EIPR1: variants seen among roughly 807,000 people sequenced by gnomAD.
EIPR1 encodes EARP and GARP complex-interacting protein 1.
EIPR1 carries 25 observed loss-of-function variants against 48.1 expected under a neutral mutation model. That is an observed-to-expected ratio of 0.52 (90% CI 0.38 to 0.73). EIPR1 has a LOEUF of 0.73. EIPR1 is among the 30% of genes least tolerant of loss of function. The probability of loss-of-function intolerance (pLI) is 0.00; values close to 1 mark genes in which losing one functional copy is unlikely to be tolerated. For missense variants in EIPR1, 415 were observed against 506.2 expected (o/e 0.82, Z 1.73); for synonymous variants, 204 against 201.9 (o/e 1.01, Z -0.09).
intron 3 of EIPR1, among the ~76,000 whole-genome samples, chr2:3,296,255 C>CA (rs1311411460): frequency 7.5e-6 from 1 of 133,560 alleles, no homozygotes; most frequent in African/African-American, 2.9e-5. Flanking sequence ...CACACAGACA[C>CA]CCTCCATCCA....
chr2:3,200,130 G>A (rs969170164), intron 5 of EIPR1, among the ~76,000 whole-genome samples: 3 of 152,100 alleles, frequency 2.0e-5, no homozygotes, highest in African/African-American at 7.2e-5. Context: ...AGCTCTCTAG[G>A]AATCGCTTGG....
At chr2:3,233,833 GTTAC>G (rs1666317255) in intron 4 of EIPR1, among the ~76,000 whole-genome samples, 1 of 152,202 alleles carries the variant, frequency 6.6e-6, no homozygotes, top group Admixed American at 6.5e-5. Context: ...CAATAGAGAA[GTTAC>G]TTACTTTTCC....
At chr2:3,318,871 C>T (rs1391308295) in intron 3 of EIPR1, 2 of 471,150 alleles carry the variant, frequency 4.2e-6, no homozygotes, top group African/African-American at 4.0e-5. Flanking sequence ...GACCTGTCCC[C>T]TGAAGAAGAC....
At chr2:3,358,733 G>C (rs1290488464) in intron 1 of EIPR1, among the ~76,000 whole-genome samples, 1 of 152,228 alleles carries the variant, frequency 6.6e-6, no homozygotes, top group African/African-American at 2.4e-5. Context: ...CTGATGAGGA[G>C]GAGGGCAAGC....
At chr2:3,264,687 T>C (rs1348513738) in intron 3 of EIPR1, among the ~76,000 whole-genome samples, 1 of 147,076 alleles carries the variant, frequency 6.8e-6, no homozygotes, top group Non-Finnish European at 1.5e-5. Context: ...ATGCTGTTTT[T>C]GTTTGTTTGT....
chr2:3,374,588 T>G (rs1428770366), intron 1 of EIPR1, among the ~76,000 whole-genome samples: 1 of 152,158 alleles, frequency 6.6e-6, no homozygotes, highest in African/African-American at 2.4e-5. Context: ...CAGACACTTC[T>G]CAAAAGAAGA....
chr2:3,346,912 AT>A (rs1260826284), intron 2 of EIPR1, among the ~76,000 whole-genome samples: 1 of 152,162 alleles, frequency 6.6e-6, no homozygotes. Context: ...CTCATGTTGA[AT>A]TGTAATCCCC....
chr2:3,240,259 AC>A (rs1558244351), intron 4 of EIPR1, among the ~76,000 whole-genome samples: 267 of 143,834 alleles, frequency 1.9e-3, no homozygotes, highest in East Asian at 2.9e-3. Context: ...AAGCCAGCAG[AC>A]TCTTCCTCAG....
chr2:3,269,750 T>C (rs990202559), intron 3 of EIPR1, among the ~76,000 whole-genome samples: 20 of 151,620 alleles, frequency 1.3e-4, no homozygotes, highest in African/African-American at 4.9e-4. Flanking sequence ...ACTCAGTCAT[T>C]GCGTGGAAAT....
At chr2:3,333,604 G>A (rs1343758106) in intron 3 of EIPR1, among the ~76,000 whole-genome samples, 1 of 152,032 alleles carries the variant, frequency 6.6e-6, no homozygotes, top group Admixed American at 6.6e-5. Context: ...AGCCAGATAT[G>A]GTAGTGCATA....
chr2:3,214,344 A>G, intron 4 of EIPR1, 96 bp from the exon 5 acceptor site: 2 of 1,161,050 alleles, frequency 1.7e-6, no homozygotes, highest in Non-Finnish European at 2.5e-6. Flanking sequence ...TGACGCAGGA[A>G]ATCTTTTCCG....
intron 1 of EIPR1, among the ~76,000 whole-genome samples, chr2:3,360,822 C>G (rs1238034277): frequency 2.0e-5 from 3 of 152,068 alleles, no homozygotes; most frequent in Admixed American, 6.6e-5. Context: ...TGAACCTGCT[C>G]TCCTACACTG....
At chr2:3,257,530 T>C (rs1667198583) in intron 3 of EIPR1, 75 bp from the exon 4 acceptor site, 5 of 1,546,986 alleles carry the variant, frequency 3.2e-6, no homozygotes, top group Non-Finnish European at 2.6e-6. Flanking sequence ...CACACGCACA[T>C]TTACACAAAT....
intron 3 of EIPR1, among the ~76,000 whole-genome samples, chr2:3,330,466 G>A (rs910767517): frequency 2.0e-5 from 3 of 152,154 alleles, no homozygotes; most frequent in South Asian, 2.1e-4. Flanking sequence ...GAGTGTCGCC[G>A]AGGATGGTGT....
chr2:3,273,140 G>A (rs1667747761), intron 3 of EIPR1, among the ~76,000 whole-genome samples: 1 of 152,204 alleles, frequency 6.6e-6, no homozygotes, highest in Non-Finnish European at 1.5e-5. Context: ...TCTCTTTCAT[G>A]TATCAATAGA....
Position 3,190,622 on chromosome 2 carries a change from C to T in EIPR1, c.990-1114G>A, listed in dbSNP as rs568899329. ...CCAGAAGACAACGCCAGCAGTCTTC[C>T]GACCAACGGGCCCATCAGGCTCCTC... On this transcript the variant is annotated intron_variant, in intron 8 of 8. Coordinates refer to ENST00000382125, the MANE Select transcript of EIPR1 (RefSeq NM_003310.5). Among the ~76,000 whole-genome samples the T allele has an allele frequency of 1.4e-4, 22 of 152,230 alleles. 1 individual carries two copies. The highest frequency in any genetic ancestry group is 5.8e-4 in the East Asian group (3 of 5,172).
rs181873092 is a variant in EIPR1, at chr2:3,322,722, C to A, written c.259+15295G>T. On this transcript the variant is annotated intron_variant, in intron 3 of 8. Transcript: ENST00000382125. ...ACAGGGTCCGGTGAAGACAGCACAG[C>A]CTGGAGGCAGAGCTCAAAGCCGGAA... Among the ~76,000 whole-genome samples, 181 of 152,334 alleles carry A rather than the reference C, an allele frequency of 1.2e-3. 1 individual carries two copies. The highest frequency in any genetic ancestry group is 4.2e-3 in the African/African-American group (174 of 41,576).
chr2:3,271,280 A>G (rs921008597), intron 3 of EIPR1, among the ~76,000 whole-genome samples: 19 of 152,160 alleles, frequency 1.2e-4, no homozygotes, highest in African/African-American at 4.3e-4. Flanking sequence ...CTTCCTATTA[A>G]TGTCAATATT....
At chr2:3,268,995 G>T (rs1262548176) in intron 3 of EIPR1, among the ~76,000 whole-genome samples, 1 of 152,224 alleles carries the variant, frequency 6.6e-6, no homozygotes, top group African/African-American at 2.4e-5. Flanking sequence ...AGGCCCACGG[G>T]AGAATCACAG....
Sources: allele counts gnomAD v4.1 joint callset (sites outside exome capture counted in the v4.1 genomes callset), GRCh38; gene constraint gnomAD v4.1.1; transcripts MANE v1.5; gene names NCBI Gene and HGNC (gene_info 2026-07-23, HGNC 2026-07-21).